The following PTBP3 variants were observed in gnomAD, a reference collection of about 807,000 sequenced individuals.
PTBP3 encodes polypyrimidine tract binding protein 3.
PTBP3 carries 20 observed loss-of-function variants against 58.7 expected under a neutral mutation model. That is an observed-to-expected ratio of 0.34 (90% CI 0.24 to 0.50). The LOEUF (loss-of-function observed/expected upper bound fraction) is 0.50. PTBP3 is among the 20% of genes least tolerant of loss of function. The pLI is 0.98. For synonymous variants in PTBP3, 185 were observed against 219.8 expected (o/e 0.84, Z 1.40); for missense variants, 509 against 637.2 (o/e 0.80, Z 2.17).
chr9:112,379,828 A>T, the PTBP3 span: 33 of 492,152 alleles, frequency 6.7e-5, no homozygotes, highest in South Asian at 2.9e-4. Context: ...GTAGCGGCTG[A>T]CGCTGCCCAG....
the PTBP3 span, among the ~76,000 whole-genome samples, chr9:112,371,983 T>C: frequency 6.6e-6 from 1 of 152,190 alleles, no homozygotes. Flanking sequence ...TGCTTAGGTA[T>C]TGTTCTCCAA....
chr9:112,379,830 G>A, the PTBP3 span: 1 of 494,470 alleles, frequency 2.0e-6, no homozygotes, highest in South Asian at 2.4e-5. Flanking sequence ...AGCGGCTGAC[G>A]CTGCCCAGAC....
chr9:112,355,571 A>G, the PTBP3 span, among the ~76,000 whole-genome samples: 2 of 151,268 alleles, frequency 1.3e-5, no homozygotes, highest in Non-Finnish European at 2.9e-5. Flanking sequence ...TTACATAAGC[A>G]TATGGCTTTC....
chr9:112,245,109 G>A (rs1201074187), intron 7 of PTBP3, among the ~76,000 whole-genome samples: 3 of 152,098 alleles, frequency 2.0e-5, no homozygotes, highest in Non-Finnish European at 4.4e-5. Flanking sequence ...AGGAGTTCAA[G>A]ACCAGCCTGG....
intron 2 of PTBP3, among the ~76,000 whole-genome samples, chr9:112,289,570 C>T (rs1828286374): frequency 6.6e-6 from 1 of 152,088 alleles, no homozygotes; most frequent in African/African-American, 2.4e-5. Context: ...TGCTTGAGCC[C>T]AGAAGTTTGA....
the PTBP3 span, among the ~76,000 whole-genome samples, chr9:112,339,322 G>A: frequency 0.84 from 118,961 of 140,838 alleles, 50,688 homozygotes; most frequent in African/African-American, 0.95. Flanking sequence ...AAATACAGGC[G>A]TGAATCCTAA....
At chr9:112,353,589 A>G in the PTBP3 span, among the ~76,000 whole-genome samples, 1 of 152,074 alleles carries the variant, frequency 6.6e-6, no homozygotes, top group Non-Finnish European at 1.5e-5. Context: ...CCTGTTATGT[A>G]TAACTCTTGC....
intron 7 of PTBP3, among the ~76,000 whole-genome samples, chr9:112,250,690 G>A (rs1005090635): frequency 6.6e-6 from 1 of 152,128 alleles, no homozygotes; most frequent in African/African-American, 2.4e-5. Flanking sequence ...TAAAGAATGA[G>A]TAATATCAAT....
intron 1 of PTBP3, among the ~76,000 whole-genome samples, chr9:112,311,317 CT>C (rs955888773): frequency 1.3e-5 from 2 of 151,908 alleles, no homozygotes; most frequent in African/African-American, 4.8e-5. Context: ...CATGTACAGA[CT>C]TTTTTTGTCA....
At chr9:112,274,686 A>G (rs1589852305) in intron 3 of PTBP3, among the ~76,000 whole-genome samples, 1 of 152,212 alleles carries the variant, frequency 6.6e-6, no homozygotes, top group East Asian at 1.9e-4. Flanking sequence ...TTCTATACCT[A>G]AAATAAACTG....
At chr9:112,304,764 T>A (rs1829097664) in intron 1 of PTBP3, among the ~76,000 whole-genome samples, 1 of 152,144 alleles carries the variant, frequency 6.6e-6, no homozygotes, top group Non-Finnish European at 1.5e-5. Context: ...AAAAATTTTT[T>A]TTATTATACT....
chr9:112,220,195 T>A lies in PTBP3; in HGVS notation c.*3656A>T, dbSNP rs1217483526. 7.4e-7 allele frequency: 1 copy of A among 1,344,816 alleles called. No individual in the cohort carries two copies. Among genetic ancestry groups the A allele is most frequent in the Non-Finnish European group, 9.8e-7 (1 of 1,018,564 alleles). 83.3% of individuals were successfully genotyped at this position (1,344,816 alleles called of 1,614,324 possible). A position where few individuals can be genotyped will look rare whatever the true frequency, so the allele number is the denominator to read the frequency against. On this transcript the variant is annotated 3_prime_UTR_variant, in exon 14 of 14. Transcript: ENST00000374257. ...TGTCAATTTTTTGTCCAAAAATATC[T>A]CGTGGGAACAGAAGAGAAACTGCAT...
In PTBP3 at chr9:112,234,868, C is replaced by T. The variant is rs1421328684; in HGVS notation, c.832G>A (p.Ala278Thr). Residue 278 changes from alanine to threonine, a missense_variant, in exon 8 of 14, where the codon GCA (alanine) becomes ACA (threonine). Coordinates refer to ENST00000374257, the MANE Select transcript of PTBP3 (RefSeq NM_001163788.4). ...GCTGGGGCAAATCCAGCAGCCCCTG[C>T]ATATGGTGAAGAAATTATACCCGGT... ...GAPGIISSPY[A>T]GAAGFAPAIG... The T allele has an allele frequency of 1.9e-6, 3 of 1,612,652 alleles. No individual in the cohort carries two copies. The highest frequency in any genetic ancestry group is 2.5e-6 in the Non-Finnish European group (3 of 1,179,110).
At chr9:112,379,824 G>C in the PTBP3 span, 708 of 484,162 alleles carry the variant, frequency 1.5e-3, 3 homozygotes, top group African/African-American at 0.013. Context: ...GGACGTAGCG[G>C]CTGACGCTGC....
At chr9:112,262,634 T>A (rs746728895) in intron 4 of PTBP3, 35 bp from the exon 5 acceptor site, 1 of 1,518,152 alleles carries the variant, frequency 6.6e-7, no homozygotes, top group Non-Finnish European at 8.8e-7. Flanking sequence ...CTTTTGATTA[T>A]ACAGACGCAT....
chr9:112,373,165 G>C, the PTBP3 span, among the ~76,000 whole-genome samples: 1 of 151,984 alleles, frequency 6.6e-6, no homozygotes. Flanking sequence ...CAAAGTGCTG[G>C]GATTACAGGC....
intron 1 of PTBP3, among the ~76,000 whole-genome samples, chr9:112,316,696 T>C (rs1829716095): frequency 6.6e-6 from 1 of 152,036 alleles, no homozygotes; most frequent in Non-Finnish European, 1.5e-5. Flanking sequence ...TCCCAGGACT[T>C]TGGGAGGCCG....
intron 2 of PTBP3, among the ~76,000 whole-genome samples, chr9:112,282,909 G>A (rs999451239): frequency 1.3e-5 from 2 of 152,056 alleles, no homozygotes; most frequent in African/African-American, 2.4e-5. Context: ...TGGATCATGG[G>A]GGTGGTTTCC....
intron 5 of PTBP3, among the ~76,000 whole-genome samples, chr9:112,253,571 A>G (rs1008564914): frequency 1.3e-5 from 2 of 152,098 alleles, no homozygotes; most frequent in Non-Finnish European, 2.9e-5. Context: ...ATTTAGTTTT[A>G]CTCTGTTGAT....
Sources: allele counts gnomAD v4.1 joint callset (sites outside exome capture counted in the v4.1 genomes callset), GRCh38; gene constraint gnomAD v4.1.1; transcripts MANE v1.5; gene names NCBI Gene and HGNC (gene_info 2026-07-23, HGNC 2026-07-21).